The following UBE2V1 variants were observed in gnomAD, a reference collection of about 807,000 sequenced individuals.
UBE2V1 encodes the protein ubiquitin conjugating enzyme E2 V1, also known as ubiquitin-conjugating enzyme E2 variant 1.
Under a neutral mutation model 19.6 loss-of-function variants are expected in UBE2V1, and 15 were observed. That is an observed-to-expected ratio of 0.77 (90% CI 0.51 to 1.18). The LOEUF (loss-of-function observed/expected upper bound fraction) is 1.18, where lower values mean the gene tolerates loss of function less well. Ranked by LOEUF, UBE2V1 falls within the 50% of genes most tolerant of loss-of-function variation. The pLI is 0.00. For synonymous variants in UBE2V1, 60 were observed against 60.7 expected, an observed-to-expected ratio of 0.99 and a Z score of 0.05; for missense variants, 125 against 184.8, an observed-to-expected ratio of 0.68 and a Z score of 1.88.
At chr20:50,111,732 G>A (rs977800884) in intron 1 of UBE2V1, among the ~76,000 whole-genome samples, 1 of 152,164 alleles carries the variant, frequency 6.6e-6, no homozygotes, top group Admixed American at 6.5e-5. Flanking sequence ...GGCTCCTTGA[G>A]ACCGCAGAGT....
At chr20:50,096,539 T>G in intron 2 of UBE2V1, 133 bp downstream of exon 2, 1 of 1,585,016 alleles carries the variant, frequency 6.3e-7, no homozygotes, top group Non-Finnish European at 8.6e-7. Context: ...CTGAAACTGG[T>G]CAAAAAAGAA....
chr20:50,099,153 T>C (rs1039624772), intron 1 of UBE2V1, among the ~76,000 whole-genome samples: 45 of 152,170 alleles, frequency 3.0e-4, no homozygotes, highest in African/African-American at 1.0e-3. Context: ...ATCAAAAGAA[T>C]CATATTGATA....
intron 2 of UBE2V1, 52 bp downstream of exon 2, chr20:50,096,620 A>C: frequency 6.2e-7 from 1 of 1,608,960 alleles, no homozygotes; most frequent in African/African-American, 1.3e-5. Context: ...TTTTAAAAGG[A>C]GGCACAGTGA....
rs560809166 is a variant in UBE2V1, at chr20:50,109,127, T to C, written c.22+3980A>G. The C allele has an allele frequency of 9.3e-5, 92 of 985,374 alleles. No individual in the cohort carries two copies. In the African/African-American group the frequency reaches 1.5e-3, roughly 16 times the overall value. 61.0% of individuals were successfully genotyped at this position (985,374 alleles called of 1,614,324 possible). A position where few individuals can be genotyped will look rare whatever the true frequency, so the allele number is the denominator to read the frequency against. On this transcript the variant is annotated intron_variant, in intron 1 of 3. Coordinates refer to ENST00000371674, the MANE Select transcript of UBE2V1 (RefSeq NM_001032288.3). ...GGTGACCAGGCTGTGGAGAGTTAGA[T>C]GAGACAACATCACAGGTAAGTCGAA...
At chr20:50,098,271 C>T (rs923240739) in intron 1 of UBE2V1, among the ~76,000 whole-genome samples, 5 of 152,112 alleles carry the variant, frequency 3.3e-5, no homozygotes, top group Non-Finnish European at 2.9e-5. Context: ...TGTCAAAGGA[C>T]AGCAAGGAGG....
chr20:50,085,706 AAT>A (rs1408898367), intron 2 of UBE2V1, among the ~76,000 whole-genome samples: 2 of 152,168 alleles, frequency 1.3e-5, no homozygotes, highest in African/African-American at 2.4e-5. Context: ...AGGCATTCAT[AAT>A]ATACCCATGG....
rs1362787904 is a variant in UBE2V1 at position 50,086,382 on chromosome 20, A to G, written c.172-2128T>C. Among the ~76,000 whole-genome samples the G allele has an allele frequency of 5.3e-5, 8 of 152,100 alleles. No homozygotes were observed. In the East Asian group the frequency reaches 1.3e-3, roughly 26 times the overall value. ...GGCCCTCAACTGAATTGGTACTCAA[A>G]TGTTTGTTGAATGTTTCTCTTCACA... On this transcript the variant is annotated intron_variant, in intron 2 of 3. Coordinates refer to ENST00000371674, the MANE Select transcript of UBE2V1 (RefSeq NM_001032288.3).
intron 2 of UBE2V1, among the ~76,000 whole-genome samples, chr20:50,086,955 T>C (rs2078949644): frequency 6.6e-6 from 1 of 152,070 alleles, no homozygotes; most frequent in Admixed American, 6.6e-5. Flanking sequence ...TGGGCGCCTA[T>C]AGTCCCAGCT....
At chr20:50,082,969 A>C in intron 3 of UBE2V1, 55 bp from the exon 4 acceptor site, 2 of 1,591,698 alleles carry the variant, frequency 1.3e-6, no homozygotes, top group Non-Finnish European at 1.7e-6. Flanking sequence ...CAAAATAGCT[A>C]TATGCCGGGG....
chr20:50,091,769 A>T (rs2079246020), intron 2 of UBE2V1, among the ~76,000 whole-genome samples: 2 of 152,220 alleles, frequency 1.3e-5, no homozygotes, highest in African/African-American at 4.8e-5. Context: ...GTGAAAAAAA[A>T]TTAAGTTGTA....
At chr20:50,108,437 C>T (rs1314384407) in intron 1 of UBE2V1, among the ~76,000 whole-genome samples, 3 of 152,180 alleles carry the variant, frequency 2.0e-5, no homozygotes, top group Non-Finnish European at 4.4e-5. Context: ...CTTGCGAGGC[C>T]TACCTCAGAG....
chr20:50,102,514 A>G (rs189053801), intron 1 of UBE2V1, among the ~76,000 whole-genome samples: 108 of 152,302 alleles, frequency 7.1e-4, no homozygotes, highest in African/African-American at 2.5e-3. Flanking sequence ...GACAGGTCAG[A>G]GTAATGGATA....
chr20:50,100,490 C>A (rs997256491), intron 1 of UBE2V1, among the ~76,000 whole-genome samples: 2 of 151,192 alleles, frequency 1.3e-5, no homozygotes, highest in Admixed American at 6.6e-5. Flanking sequence ...GAGGCTGAGG[C>A]AGAAAAATTG....
At chr20:50,107,127 G>C (rs2080440210) in intron 1 of UBE2V1, among the ~76,000 whole-genome samples, 1 of 152,188 alleles carries the variant, frequency 6.6e-6, no homozygotes, top group Non-Finnish European at 1.5e-5. Flanking sequence ...TAGTCTGGCT[G>C]TCTAGTTAGC....
intron 1 of UBE2V1, among the ~76,000 whole-genome samples, chr20:50,110,978 A>G (rs1441143373): frequency 6.6e-6 from 1 of 152,088 alleles, no homozygotes; most frequent in Non-Finnish European, 1.5e-5. Context: ...CACATCACAC[A>G]ATTTCCTCCA....
chr20:50,103,088 G>C (rs2080110561), intron 1 of UBE2V1, among the ~76,000 whole-genome samples: 1 of 152,038 alleles, frequency 6.6e-6, no homozygotes, highest in Admixed American at 6.5e-5. Context: ...TCACTTTATT[G>C]GTTGTTTCTT....
chr20:50,106,574 T>C (rs571909777), intron 1 of UBE2V1, among the ~76,000 whole-genome samples: 2 of 152,278 alleles, frequency 1.3e-5, no homozygotes, highest in East Asian at 3.9e-4. Flanking sequence ...CTCACACCTG[T>C]AATCCCAACA....
At chr20:50,096,297 A>G (rs1277531052) in intron 2 of UBE2V1, 1 of 294,656 alleles carries the variant, frequency 3.4e-6, no homozygotes, top group African/African-American at 2.3e-5. Flanking sequence ...AAAAACCACA[A>G]CTGGGAAGGC....
upstream of UBE2V1, among the ~76,000 whole-genome samples, chr20:50,113,929 T>A (rs2080930405): frequency 6.6e-6 from 1 of 152,104 alleles, no homozygotes; most frequent in Non-Finnish European, 1.5e-5. Flanking sequence ...ATTCTAGTCG[T>A]AGACAGCAAG....
Sources: allele counts gnomAD v4.1 joint callset (sites outside exome capture counted in the v4.1 genomes callset), GRCh38; gene constraint gnomAD v4.1.1; transcripts MANE v1.5; gene names NCBI Gene and HGNC (gene_info 2026-07-23, HGNC 2026-07-21).